VDR: variants seen among roughly 807,000 people sequenced by gnomAD.
VDR encodes vitamin D receptor, also known as vitamin D3 receptor.
A neutral mutation model predicts 39.7 loss-of-function variants in VDR; 19 were observed. The observed-to-expected ratio is 0.48, with a 90% CI of 0.33 to 0.70. VDR has a LOEUF of 0.70. Among genes scored for constraint, VDR ranks in the 30% least tolerant of loss-of-function variants. The pLI is 0.02. For missense variants in VDR, 442 were observed against 570.5 expected, an observed-to-expected ratio of 0.77 and a Z score of 2.29; for synonymous variants, 242 against 215.8, an observed-to-expected ratio of 1.12 and a Z score of -1.07.
intron 1 of VDR, among the ~76,000 whole-genome samples, chr12:47,902,063 A>C (rs1194447268): frequency 2.0e-5 from 3 of 152,192 alleles, no homozygotes; most frequent in African/African-American, 4.8e-5. Flanking sequence ...CCCCAACCTT[A>C]TCATCCCCTC....
In VDR at chr12:47,845,069, C is replaced by T. The variant is rs1365381892; in HGVS notation, c.1025-64G>A. On this transcript the variant is annotated intron_variant, in intron 9 of 9. Coordinates refer to ENST00000549336, the MANE Select transcript of VDR (RefSeq NM_000376.3). Reference sequence around the variant, plus strand: ...TCAGCTGGGCCCCTCACTGCTCAATCCCACCACCCCCCACCCACACAGACA... The same window carrying T: ...TCAGCTGGGCCCCTCACTGCTCAATTCCACCACCCCCCACCCACACAGACA... 6.9e-6 allele frequency: 11 copies of T among 1,596,608 alleles called. No individual in the cohort carries two copies. In the East Asian group the frequency reaches 2.0e-4, roughly 29 times the overall value.
chr12:47,874,105 G>T (rs1290097053), intron 3 of VDR, among the ~76,000 whole-genome samples: 4 of 152,216 alleles, frequency 2.6e-5, no homozygotes, highest in Admixed American at 2.6e-4. Context: ...GATAGCTTCA[G>T]TGACCTTCCC....
At chr12:47,864,650 T>C (rs574600939) in intron 4 of VDR, among the ~76,000 whole-genome samples, 2 of 152,354 alleles carry the variant, frequency 1.3e-5, no homozygotes, top group South Asian at 4.1e-4. Flanking sequence ...CTGGGGGTCC[T>C]TGAACCTCAT....
At chr12:47,853,429 C>T (rs1335556312) in intron 7 of VDR, among the ~76,000 whole-genome samples, 4 of 132,672 alleles carry the variant, frequency 3.0e-5, no homozygotes, top group African/African-American at 5.9e-5. Flanking sequence ...GGCGACAGAG[C>T]GAGACTCTGC....
At chr12:47,874,919 C>T (rs751199726) in intron 3 of VDR, among the ~76,000 whole-genome samples, 1 of 152,196 alleles carries the variant, frequency 6.6e-6, no homozygotes, top group African/African-American at 2.4e-5. Context: ...TCCTCTGGCT[C>T]TTACTTATGC....
chr12:47,864,951 C>T, intron 4 of VDR, 96 bp downstream of exon 4: 3 of 1,577,114 alleles, frequency 1.9e-6, no homozygotes, highest in Non-Finnish European at 2.6e-6. Context: ...AGAGGAAGGG[C>T]AGGCAGACCC....
Position 47,846,935 on chromosome 12 carries a change from G to A in VDR, c.756-127C>T. On this transcript the variant is annotated intron_variant, in intron 7 of 9. Coordinates refer to ENST00000549336, the MANE Select transcript of VDR (RefSeq NM_000376.3). ...CATGCACCCTGGGTCTTTCATCGAG[G>A]AGCTTGCAGGCTGGCTGGAAGGGAC... The A allele has an allele frequency of 6.4e-6, 7 of 1,095,438 alleles. No homozygotes were observed. In the South Asian group the frequency reaches 8.9e-5, roughly 14 times the overall value. The allele number at this position is 1,095,438 out of a possible 1,614,324, so 67.9% of individuals were successfully genotyped here.
At position 47,879,101 on chromosome 12, in the gene VDR, C is replaced by T. The variant is rs764054471; in HGVS notation, c.13G>A (p.Ala5Thr). The part of the protein sequence containing the change: MEAM[A>T]ASTSLPDPGD... The stretch of plus-strand genomic sequence containing the variant: ...GGGTCAGGCAGGGAAGTGCTGGCCG[C>T]CATTGCCTCCATCCCTGTAAGAACA... Residue 5 changes from alanine (A) to threonine (T), a missense_variant, in exon 3 of 10, where the codon GCG (alanine) becomes ACG (threonine). This residue lies in a region of VDR where 141 missense variants were observed against 141.3 expected (regional missense o/e 1.00). Transcript: ENST00000549336. The T allele has an allele frequency of 6.8e-6, 11 of 1,613,880 alleles. No homozygotes were observed. The African/African-American group carries it at 1.1e-4, about 16-fold the overall frequency.
At chr12:47,855,829 C>G in intron 6 of VDR, 28 bp from the exon 7 acceptor site, 4 of 1,612,392 alleles carry the variant, frequency 2.5e-6, no homozygotes, top group African/African-American at 1.3e-5. Flanking sequence ...AGAGAAGGAG[C>G]TATTTAAGGA....
intron 1 of VDR, chr12:47,904,421 G>T: frequency 3.9e-6 from 2 of 509,920 alleles, no homozygotes; most frequent in African/African-American, 2.4e-5. Context: ...AAAAAAAATA[G>T]GGCCAATTAG....
chr12:47,845,850 G>A (rs1289522455), intron 9 of VDR, among the ~76,000 whole-genome samples: 2 of 152,246 alleles, frequency 1.3e-5, no homozygotes, highest in East Asian at 1.9e-4. Context: ...CTTCCTCTTC[G>A]GCCTTTTCTC....
At chr12:47,845,975 C>A (rs1945271653) in intron 9 of VDR, among the ~76,000 whole-genome samples, 2 of 152,224 alleles carry the variant, frequency 1.3e-5, no homozygotes, top group African/African-American at 4.8e-5. Flanking sequence ...AGTTTTGTAC[C>A]CTGCCCGCAA....
chr12:47,903,870 T>A (rs1195536426), intron 1 of VDR, among the ~76,000 whole-genome samples: 1 of 152,176 alleles, frequency 6.6e-6, no homozygotes, highest in Non-Finnish European at 1.5e-5. Flanking sequence ...TAGAATCATC[T>A]CATAGCCATT....
At chr12:47,866,375 G>A (rs1052108757) in intron 3 of VDR, among the ~76,000 whole-genome samples, 4 of 152,226 alleles carry the variant, frequency 2.6e-5, no homozygotes, top group Non-Finnish European at 5.9e-5. Context: ...GATTACAGGC[G>A]TAAGCCACTG....
intron 1 of VDR, chr12:47,901,636 G>C (rs943623146): frequency 1.3e-5 from 2 of 153,524 alleles, no homozygotes; most frequent in East Asian, 1.9e-4. Flanking sequence ...CTGCTTACCT[G>C]CTTTACAGCC....
At chr12:47,901,398 T>C (rs57946627) in intron 1 of VDR, 3,758 of 155,710 alleles carry the variant, frequency 0.024, 162 homozygotes, top group African/African-American at 0.08. Flanking sequence ...CGCCTGTCAC[T>C]TGGATTGAGC....
chr12:47,901,891 G>T (rs983948184), intron 1 of VDR, among the ~76,000 whole-genome samples: 3 of 152,232 alleles, frequency 2.0e-5, no homozygotes, highest in Admixed American at 2.0e-4. Flanking sequence ...GTGAAGGGAA[G>T]TCACACGAGT....
intron 9 of VDR, 91 bp downstream of exon 9, chr12:47,846,244 T>G: frequency 9.1e-7 from 1 of 1,096,782 alleles, no homozygotes; most frequent in Non-Finnish European, 1.4e-6. Context: ...TACGTCTCCC[T>G]TCAGGTTGCC....
At chr12:47,893,909 C>G (rs1425826931) in intron 1 of VDR, among the ~76,000 whole-genome samples, 1 of 152,228 alleles carries the variant, frequency 6.6e-6, no homozygotes, top group Non-Finnish European at 1.5e-5. Flanking sequence ...TTGCCTTACC[C>G]TCAGAGCTAT....
Sources: gnomAD v4.1 joint callset for allele counts (sites outside exome capture counted in the v4.1 genomes callset) on GRCh38, gnomAD v4.1.1 for gene constraint, gnomAD v4.1.1 regional missense constraint, MANE v1.5 for transcripts, NCBI Gene and HGNC (gene_info 2026-07-23, HGNC 2026-07-21) for gene names.